ATRX: variants seen among roughly 807,000 people sequenced by gnomAD.
ATRX encodes the protein ATRX chromatin remodeler.
ATRX carries 12 observed loss-of-function variants against 172.6 expected under a neutral mutation model. The ratio of observed to expected loss-of-function variants is 0.07; its 90% CI spans 0.04 to 0.11. The LOEUF is 0.11. Among genes scored for constraint, ATRX ranks in the 10% least tolerant of loss-of-function variants. ATRX has a pLI of 1.00. For missense variants in ATRX, 1,368 were observed against 1,767.4 expected, an observed-to-expected ratio of 0.77 and a Z score of 4.05; for synonymous variants, 674 against 594.7, an observed-to-expected ratio of 1.13 and a Z score of -1.94.
At position 77,523,165 on chromosome X, in the gene ATRX, C is replaced by A. The variant is rs1371331933; in HGVS notation, c.6849+87G>T. 143 of 1,069,292 alleles carry A rather than the reference C, an allele frequency of 1.3e-4. 1 individual carries two copies. In the South Asian group the frequency reaches 2.5e-3, roughly 19 times the overall value. The allele number at this position is 1,069,292 out of a possible 1,213,427, so 88.1% of individuals were successfully genotyped here. On this transcript the variant is annotated intron_variant, in intron 31 of 34. Transcript: ENST00000373344. ...CCTAAAACCCACTATATTATTATTA[C>A]CTGTTTCAAATGTGACCCTTTTCTT...
Position 77,506,897 on chromosome X carries a change from CTTTTTTTTT to C in ATRX, c.*1445_*1453del, listed in dbSNP as rs139948612. On this transcript the variant is annotated 3_prime_UTR_variant, in exon 35 of 35. Transcript: ENST00000373344. ...TAAAGCAAAGCCCAAACCCAGTTTTCTTTTTTTTTTTTTTTTTTTTTTTTTTGGAATTCT... is the reference window on the plus strand; with the variant it reads ...TAAAGCAAAGCCCAAACCCAGTTTTCTTTTTTTTTTTTTTTTTGGAATTCT... The C allele has an allele frequency of 6.3e-4, 38 of 60,045 alleles. No homozygotes were observed. Among genetic ancestry groups the C allele is most frequent in the African/African-American group, 1.8e-3 (21 of 11,919 alleles). 4.9% of individuals were successfully genotyped at this position (60,045 alleles called of 1,213,427 possible).
intron 30 of ATRX, among the ~76,000 whole-genome samples, chrX:77,549,955 A>AAAATGAAATGAAATGAAATG (rs537966178): frequency 9.0e-6 from 1 of 111,529 alleles, no homozygotes; most frequent in African/African-American, 3.3e-5. Flanking sequence ...CCTTGTCTCA[A>AAAATGAAATGAAATGAAATG]AAATGAAATG....
chrX:77,600,658 C>G, intron 22 of ATRX, 94 bp from the exon 23 acceptor site: 3 of 981,167 alleles, frequency 3.1e-6, no homozygotes, highest in Non-Finnish European at 4.3e-6. Flanking sequence ...GACATAAACA[C>G]TTTTGGCAGT....
In ATRX at chrX:77,778,673, A is replaced by T. The variant is rs781793698; in HGVS notation, c.20+7309T>A. 9.3e-5 allele frequency among the ~76,000 whole-genome samples: 10 copies of T among 107,220 alleles called. No individual in the cohort carries two copies. The East Asian group carries it at 2.7e-3, about 29-fold the overall frequency. 93.1% of individuals were successfully genotyped at this position (107,220 alleles called of 115,157 possible). ...GAAGCGGAGGTTGCAGTGAGCCAAG[A>T]TCATGCCACTGCACTCCAGCCTGGG... On this transcript the variant is annotated intron_variant, in intron 1 of 34. Transcript: ENST00000373344.
Position 77,696,656 on chromosome X carries a change from A to C in ATRX, c.291T>G (p.Pro97=), listed in dbSNP as rs1448338171. Residue 97 remains proline, a synonymous_variant, in exon 5 of 35, where the codon CCT becomes CCG. Transcript: ENST00000373344. The part of the protein sequence containing the change: ...TKYVESDDEK[P]LDDETVNEDA... ...CTTCATTTACAGTTTCATCATCCAA[A>C]GGTTTTTCATCATCTGATTCTACAT... The C allele has an allele frequency of 1.7e-6, 2 of 1,197,266 alleles. No homozygotes were observed. Among genetic ancestry groups the C allele is most frequent in the African/African-American group, 3.5e-5 (2 of 57,038 alleles).
rs1229860572 is a variant in ATRX at position 77,646,925 on chromosome X, T to TA, written c.4557+5188dup. ...GCAACAGAGCAAGACACTGTGTCTT[T>TA]AAAAAAAAAAAAAAAATAGACCTAA... On this transcript the variant is annotated intron_variant, in intron 15 of 34. Transcript: ENST00000373344. 9.4e-3 allele frequency among the ~76,000 whole-genome samples: 897 copies of TA among 94,954 alleles called. 8 individuals are homozygous for TA. The highest frequency in any genetic ancestry group is 0.029 in the African/African-American group (741 of 25,979). 82.5% of individuals were successfully genotyped at this position (94,954 alleles called of 115,157 possible). A position where few individuals can be genotyped will look rare whatever the true frequency, so the allele number is the denominator to read the frequency against.
intron 22 of ATRX, among the ~76,000 whole-genome samples, chrX:77,605,678 A>T (rs1284685609): frequency 9.0e-6 from 1 of 111,686 alleles, no homozygotes; most frequent in Non-Finnish European, 1.9e-5. Context: ...AAAGATGCTG[A>T]AAGAAAAGAA....
chrX:77,556,189 G>A (rs2037479814), intron 30 of ATRX, among the ~76,000 whole-genome samples: 1 of 82,743 alleles, frequency 1.2e-5, no homozygotes, highest in East Asian at 4.0e-4. Flanking sequence ...GAGGTAGAAG[G>A]AGAGGGAGAG....
intron 25 of ATRX, chrX:77,595,702 C>T (rs782026060): frequency 1.8e-5 from 2 of 111,328 alleles, no homozygotes; most frequent in Admixed American, 1.9e-4. Flanking sequence ...CTAGGATTTC[C>T]ATAGCATACC....
chrX:77,545,746 T>A (rs782292200), intron 30 of ATRX, among the ~76,000 whole-genome samples: 1 of 111,906 alleles, frequency 8.9e-6, no homozygotes, highest in South Asian at 3.8e-4. Flanking sequence ...AAGGATGATA[T>A]TTTTGAAGAA....
intron 2 of ATRX, 44 bp from the exon 3 acceptor site, chrX:77,698,673 A>T: frequency 3.8e-6 from 4 of 1,057,181 alleles, no homozygotes; most frequent in Non-Finnish European, 5.3e-6. Context: ...TCTTCGATGC[A>T]TTATCAAACA....
Position 77,717,173 on chromosome X carries a change from C to G in ATRX, c.91G>C (p.Glu31Gln). The G allele has an allele frequency of 8.3e-7, 1 of 1,210,668 alleles. No homozygotes were observed. The highest frequency in any genetic ancestry group is 1.1e-6 in the Non-Finnish European group (1 of 894,777). Reference sequence around the variant, plus strand: ...GCAAGTCGTGGAGGAGAACTTGTTTCTTCAGATTCTTCTGATGAGTGTGCA... The same window carrying G: ...GCAAGTCGTGGAGGAGAACTTGTTTGTTCAGATTCTTCTGATGAGTGTGCA... ...FLAHSSEESE[E>Q]TSSPPRLAMN... is the part of the protein sequence containing the mutation. The change falls in exon 2 of 35, where the codon GAA becomes CAA. Residue 31 changes from glutamate (E) to glutamine (Q), a missense_variant. Glu to Gln is a conservative substitution (Grantham distance 29). Coordinates refer to ENST00000373344, the MANE Select transcript of ATRX (RefSeq NM_000489.6).
chrX:77,616,532 T>C, intron 22 of ATRX, 81 bp downstream of exon 22: 4 of 1,162,298 alleles, frequency 3.4e-6, no homozygotes, highest in South Asian at 1.8e-5. Context: ...ACAACAGACA[T>C]AGTAAGATGA....
chrX:77,627,481 C>T (rs180900706), intron 19 of ATRX, among the ~76,000 whole-genome samples: 111 of 110,921 alleles, frequency 1.0e-3, no homozygotes, highest in African/African-American at 3.5e-3. Context: ...ATGCCAGCTA[C>T]TACTCAGGAG....
At chrX:77,665,002 G>A (rs782274297) in intron 10 of ATRX, among the ~76,000 whole-genome samples, 98 of 111,860 alleles carry the variant, frequency 8.8e-4, no homozygotes, top group African/African-American at 3.1e-3. Flanking sequence ...ATACAATTCT[G>A]CAATATATTG....
intron 22 of ATRX, among the ~76,000 whole-genome samples, chrX:77,609,658 T>A (rs1291862045): frequency 9.0e-6 from 1 of 111,445 alleles, no homozygotes; most frequent in East Asian, 2.8e-4. Context: ...GTATTTTTTT[T>A]TATAGACAGG....
rs1283585552 is a variant in ATRX at position 77,507,213 on chromosome X, A to T, written c.*1138T>A. The T allele has an allele frequency of 7.0e-5, 12 of 171,175 alleles. No individual in the cohort carries two copies. The Middle Eastern group carries it at 7.5e-3, about 106-fold the overall frequency. 14.1% of individuals were successfully genotyped at this position (171,175 alleles called of 1,213,427 possible). A position where few individuals can be genotyped will look rare whatever the true frequency, so the allele number is the denominator to read the frequency against. On this transcript the variant is annotated 3_prime_UTR_variant, in exon 35 of 35. Transcript: ENST00000373344. ...AAAAAAACAAACTCTGAAACAATTT[A>T]AAAAAATGTAAGGAAACTGGGGTAA...
chrX:77,611,816 G>A (rs1186746091), intron 22 of ATRX, among the ~76,000 whole-genome samples: 2 of 111,525 alleles, frequency 1.8e-5, no homozygotes, highest in African/African-American at 6.5e-5. Flanking sequence ...TGATAGTTAT[G>A]CTAAATTACC....
chrX:77,678,221 CA>C (rs1313220025), intron 9 of ATRX, among the ~76,000 whole-genome samples: 965 of 52,559 alleles, frequency 0.018, 9 homozygotes, highest in African/African-American at 0.045. Flanking sequence ...GACTTCAACT[CA>C]AAAAAAAAAA....
Sources: gnomAD v4.1 joint callset for allele counts (sites outside exome capture counted in the v4.1 genomes callset) on GRCh38, gnomAD v4.1.1 for gene constraint, MANE v1.5 for transcripts, NCBI Gene and HGNC (gene_info 2026-07-23, HGNC 2026-07-21) for gene names.